Variants in GMEB1 observed in about 807,000 individuals in gnomAD.
GMEB1 encodes glucocorticoid modulatory element binding protein 1.
GMEB1 carries 6 observed loss-of-function variants against 52.4 expected under a neutral mutation model. The observed-to-expected ratio is 0.11, with a 90% confidence interval of 0.06 to 0.23. GMEB1 has a LOEUF of 0.23. Ranked by LOEUF, GMEB1 falls within the 10% of genes least tolerant of loss-of-function variation. GMEB1 has a pLI of 1.00. For synonymous variants in GMEB1, 255 were observed against 244.9 expected (o/e 1.04, Z -0.38); for missense variants, 486 against 685.6 (o/e 0.71, Z 3.25).
intron 1 of GMEB1, among the ~76,000 whole-genome samples, chr1:28,676,978 C>T (rs533604414): frequency 3.9e-5 from 6 of 152,240 alleles, no homozygotes; most frequent in Admixed American, 3.9e-4. Context: ...CACTTGAACC[C>T]AGGAGGCAGA....
intron 1 of GMEB1, among the ~76,000 whole-genome samples, chr1:28,669,048 G>A (rs1668746547): frequency 7.2e-6 from 1 of 139,352 alleles, no homozygotes; most frequent in East Asian, 2.3e-4. Context: ...GGGGTGGGGG[G>A]ACGCTGCCGC....
At chr1:28,713,157 CAA>C (rs1222945447) in intron 9 of GMEB1, among the ~76,000 whole-genome samples, 17 of 76,372 alleles carry the variant, frequency 2.2e-4, no homozygotes, top group African/African-American at 1.7e-4. Context: ...GACTCCATCT[CAA>C]AAAAAAAAAA....
chr1:28,685,984 T>C (rs1315296199), intron 2 of GMEB1, among the ~76,000 whole-genome samples: 1 of 152,052 alleles, frequency 6.6e-6, no homozygotes, highest in Non-Finnish European at 1.5e-5. Context: ...AAAGAAATCT[T>C]GTTTACTTGT....
intron 1 of GMEB1, among the ~76,000 whole-genome samples, chr1:28,672,684 T>A (rs1223572226): frequency 1.3e-5 from 2 of 151,752 alleles, no homozygotes; most frequent in Non-Finnish European, 2.9e-5. Flanking sequence ...TTATATTAGG[T>A]ATATCTACTA....
At chr1:28,692,351 G>A (rs1232411631) in intron 4 of GMEB1, among the ~76,000 whole-genome samples, 1 of 151,906 alleles carries the variant, frequency 6.6e-6, no homozygotes, top group Non-Finnish European at 1.5e-5. Flanking sequence ...GGACAACATA[G>A]TGAAACCCCA....
At chr1:28,709,264 G>A (rs955047058) in intron 8 of GMEB1, among the ~76,000 whole-genome samples, 6 of 150,686 alleles carry the variant, frequency 4.0e-5, no homozygotes, top group Non-Finnish European at 7.4e-5. Context: ...CCAAGATTGC[G>A]CCATTGCACT....
chr1:28,692,660 CA>C (rs1670020613), intron 4 of GMEB1, among the ~76,000 whole-genome samples: 2 of 152,116 alleles, frequency 1.3e-5, no homozygotes, highest in African/African-American at 4.8e-5. Flanking sequence ...TTGTTTGCCA[CA>C]CTAGACCTGA....
chr1:28,705,182 A>C (rs1670691119), intron 8 of GMEB1, among the ~76,000 whole-genome samples: 1 of 150,624 alleles, frequency 6.6e-6, no homozygotes, highest in Admixed American at 6.6e-5. Context: ...TGAGGTCAGG[A>C]GTTCGAGACC....
At chr1:28,678,586 G>A (rs147777105) in intron 1 of GMEB1, among the ~76,000 whole-genome samples, 111 of 151,670 alleles carry the variant, frequency 7.3e-4, no homozygotes, top group African/African-American at 2.6e-3. Context: ...TGGGATTACA[G>A]GTGCGAGCCA....
At chr1:28,683,043 G>T (rs1169460930) in intron 1 of GMEB1, among the ~76,000 whole-genome samples, 1 of 152,050 alleles carries the variant, frequency 6.6e-6, no homozygotes, top group African/African-American at 2.4e-5. Flanking sequence ...AACACCATGG[G>T]ATGAGTCACA....
At chr1:28,670,478 C>A (rs1351518172) in intron 1 of GMEB1, among the ~76,000 whole-genome samples, 3 of 152,190 alleles carry the variant, frequency 2.0e-5, no homozygotes, top group Non-Finnish European at 4.4e-5. Context: ...CAGGCGCCCG[C>A]CACCACACCC....
intron 6 of GMEB1, among the ~76,000 whole-genome samples, chr1:28,697,575 G>C (rs1371247438): frequency 6.6e-6 from 1 of 152,056 alleles, no homozygotes; most frequent in African/African-American, 2.4e-5. Flanking sequence ...TGGTAATCTT[G>C]GATGGGATTC....
At chr1:28,681,661 A>G (rs1395519767) in intron 1 of GMEB1, among the ~76,000 whole-genome samples, 1 of 152,262 alleles carries the variant, frequency 6.6e-6, no homozygotes, top group African/African-American at 2.4e-5. Context: ...TAGGCAAACA[A>G]GTGCTGTGGG....
At chr1:28,681,784 T>C (rs1669400385) in intron 1 of GMEB1, among the ~76,000 whole-genome samples, 1 of 151,864 alleles carries the variant, frequency 6.6e-6, no homozygotes, top group South Asian at 2.1e-4. Flanking sequence ...CTCACCGCAA[T>C]CTCCACCTCC....
intron 2 of GMEB1, among the ~76,000 whole-genome samples, chr1:28,686,028 A>G (rs1669625872): frequency 6.6e-6 from 1 of 152,172 alleles, no homozygotes; most frequent in Admixed American, 6.6e-5. Context: ...TGCCACCGTT[A>G]AGTGCAATTT....
chr1:28,683,231 CT>C lies in GMEB1; in HGVS notation c.-30-341del, dbSNP rs112492578. On this transcript the variant is annotated intron_variant, in intron 1 of 9. Coordinates refer to ENST00000373816, the MANE Select transcript of GMEB1 (RefSeq NM_001319674.2). ...TTGACTTCTTTTCTTTTCTTCTTTTCTTTTTTTTTTTGAGACGGAATTTCAC... is the reference window on the plus strand; with the variant it reads ...TTGACTTCTTTTCTTTTCTTCTTTTCTTTTTTTTTTGAGACGGAATTTCAC... Among the ~76,000 whole-genome samples, 611 of 146,170 alleles carry C rather than the reference CT, an allele frequency of 4.2e-3. 7 individuals carry two copies. The highest frequency in any genetic ancestry group is 0.014 in the African/African-American group (545 of 40,192).
At chr1:28,703,737 T>A (rs956886093) in intron 7 of GMEB1, among the ~76,000 whole-genome samples, 1 of 152,140 alleles carries the variant, frequency 6.6e-6, no homozygotes. Context: ...TAGCCCCATC[T>A]ATCCAACTGT....
At chr1:28,687,087 G>A (rs1669680430) in intron 2 of GMEB1, among the ~76,000 whole-genome samples, 1 of 151,818 alleles carries the variant, frequency 6.6e-6, no homozygotes, top group South Asian at 2.1e-4. Context: ...TGTAATCCCA[G>A]CATTTTGGGA....
chr1:28,682,091 A>G (rs1370400255), intron 1 of GMEB1, among the ~76,000 whole-genome samples: 2 of 152,122 alleles, frequency 1.3e-5, no homozygotes, highest in Non-Finnish European at 2.9e-5. Context: ...ATACTCATAT[A>G]TTAAAATAAA....
Sources: allele counts gnomAD v4.1 joint callset (sites outside exome capture counted in the v4.1 genomes callset), GRCh38; gene constraint gnomAD v4.1.1; transcripts MANE v1.5; gene names NCBI Gene and HGNC (gene_info 2026-07-23, HGNC 2026-07-21).